The following CNTNAP2 variants were observed in gnomAD, a reference collection of about 807,000 sequenced individuals.
CNTNAP2 encodes contactin-associated protein-like 2.
In CNTNAP2, 98 loss-of-function variants were observed where a neutral mutation model predicts 155.2. The ratio of observed to expected loss-of-function variants is 0.63; its 90% CI spans 0.54 to 0.75. The LOEUF (loss-of-function observed/expected upper bound fraction) is 0.75. Ranked by LOEUF, CNTNAP2 falls within the 30% of genes least tolerant of loss-of-function variation. CNTNAP2 has a pLI of 0.00. For synonymous variants in CNTNAP2, 651 were observed against 631.2 expected, an observed-to-expected ratio of 1.03 and a Z score of -0.47; for missense variants, 1,727 against 1,688.1, an observed-to-expected ratio of 1.02 and a Z score of -0.40.
At chr7:146,587,954 G>A (rs1396488635) in intron 1 of CNTNAP2, among the ~76,000 whole-genome samples, 2 of 152,016 alleles carry the variant, frequency 1.3e-5, no homozygotes, top group African/African-American at 4.8e-5. Flanking sequence ...GATTACAGGT[G>A]TGAGCCACTG....
chr7:147,476,929 T>A (rs67853105), intron 10 of CNTNAP2, among the ~76,000 whole-genome samples: 1,456 of 18,218 alleles, frequency 0.08, 161 homozygotes, highest in East Asian at 0.12. Flanking sequence ...CTCTGTCATT[T>A]AAAAAAAAAA....
intron 15 of CNTNAP2, among the ~76,000 whole-genome samples, chr7:148,084,974 G>A (rs897652762): frequency 1.3e-5 from 2 of 152,156 alleles, no homozygotes; most frequent in South Asian, 2.1e-4. Flanking sequence ...TGTTACCCAC[G>A]ACAGTCATTT....
intron 12 of CNTNAP2, among the ~76,000 whole-genome samples, chr7:147,571,185 A>G (rs549914522): frequency 3.3e-4 from 50 of 151,444 alleles, no homozygotes; most frequent in Middle Eastern, 3.4e-3. Flanking sequence ...TTAGTTACAT[A>G]TGTATACATG....
chr7:147,062,127 C>CAAAAAAAAAAAAAAAAAAAAA (rs869125044), intron 4 of CNTNAP2, among the ~76,000 whole-genome samples: 3 of 44,936 alleles, frequency 6.7e-5, no homozygotes, highest in African/African-American at 1.9e-4. Flanking sequence ...GACTCCGTCT[C>CAAAAAAAAAAAAAAAAAAAAA]AAAAAAAAAA....
intron 18 of CNTNAP2, among the ~76,000 whole-genome samples, chr7:148,193,101 A>G (rs1271176827): frequency 6.6e-6 from 1 of 152,226 alleles, no homozygotes; most frequent in African/African-American, 2.4e-5. Flanking sequence ...AAAATCACAA[A>G]AACAAGTTTA....
intron 15 of CNTNAP2, among the ~76,000 whole-genome samples, chr7:148,012,167 C>G (rs1208929896): frequency 6.6e-6 from 1 of 152,226 alleles, no homozygotes; most frequent in Non-Finnish European, 1.5e-5. Context: ...ATCTTCCCCC[C>G]TCAGTCTCCC....
intron 15 of CNTNAP2, among the ~76,000 whole-genome samples, chr7:148,046,427 C>A (rs1038159750): frequency 6.6e-6 from 1 of 152,182 alleles, no homozygotes; most frequent in South Asian, 2.1e-4. Context: ...GTTATAATAT[C>A]TTTAGTTATA....
At chr7:146,836,895 C>CT (rs202139954) in intron 2 of CNTNAP2, among the ~76,000 whole-genome samples, 2,162 of 150,802 alleles carry the variant, frequency 0.014, 43 homozygotes, top group African/African-American at 0.046. Context: ...AGGTTGCCAG[C>CT]TTTTTTTTTA....
intron 1 of CNTNAP2, among the ~76,000 whole-genome samples, chr7:146,200,233 C>T (rs181673520): frequency 6.6e-6 from 1 of 152,126 alleles, no homozygotes; most frequent in African/African-American, 2.4e-5. Flanking sequence ...GTGGGGCTCA[C>T]GCCTGTAATT....
intron 4 of CNTNAP2, among the ~76,000 whole-genome samples, chr7:147,092,515 T>C (rs1307533530): frequency 3.3e-5 from 5 of 152,208 alleles, no homozygotes. Flanking sequence ...AGCTTATTTA[T>C]AGCTTTAAAG....
intron 13 of CNTNAP2, among the ~76,000 whole-genome samples, chr7:147,872,706 AAAAC>A (rs1799348916): frequency 6.6e-6 from 1 of 152,260 alleles, no homozygotes; most frequent in Non-Finnish European, 1.5e-5. Context: ...AATTAGAAAA[AAAAC>A]CTTTATCCAA....
chr7:148,303,932 T>C (rs1797441155), intron 21 of CNTNAP2, among the ~76,000 whole-genome samples: 1 of 152,230 alleles, frequency 6.6e-6, no homozygotes, highest in South Asian at 2.1e-4. Flanking sequence ...ATAAATAAGT[T>C]GAAGTTTGAA....
At chr7:148,253,628 CTT>C (rs975282659) in intron 20 of CNTNAP2, among the ~76,000 whole-genome samples, 19 of 152,282 alleles carry the variant, frequency 1.2e-4, no homozygotes, top group Admixed American at 5.2e-4. Context: ...TGATTTGAGT[CTT>C]ACGCCGAGGC....
chr7:146,368,150 T>C (rs1364055907), intron 1 of CNTNAP2, among the ~76,000 whole-genome samples: 1 of 152,150 alleles, frequency 6.6e-6, no homozygotes, highest in African/African-American at 2.4e-5. Flanking sequence ...CTGACCTTTG[T>C]ATGTGTGTGT....
intron 9 of CNTNAP2, among the ~76,000 whole-genome samples, chr7:147,320,521 C>A (rs899455310): frequency 6.6e-6 from 1 of 152,166 alleles, no homozygotes; most frequent in Non-Finnish European, 1.5e-5. Context: ...GTGAGACCTT[C>A]CCAAAATCTC....
chr7:146,231,948 T>C (rs1280303440), intron 1 of CNTNAP2, among the ~76,000 whole-genome samples: 1 of 152,188 alleles, frequency 6.6e-6, no homozygotes, highest in Non-Finnish European at 1.5e-5. Flanking sequence ...CAAACACATT[T>C]TTTTTCTAAT....
intron 12 of CNTNAP2, among the ~76,000 whole-genome samples, chr7:147,616,685 C>G (rs1801300123): frequency 6.6e-6 from 1 of 151,990 alleles, no homozygotes; most frequent in African/African-American, 2.4e-5. Flanking sequence ...TTCCACTTAC[C>G]AAGCTTTTTT....
At chr7:147,232,693 C>T (rs777562535) in intron 8 of CNTNAP2, among the ~76,000 whole-genome samples, 2 of 152,076 alleles carry the variant, frequency 1.3e-5, no homozygotes, top group Admixed American at 6.5e-5. Flanking sequence ...GAAATGGATT[C>T]AAGACTTAAA....
chr7:146,119,659 G>A (rs1270584933), intron 1 of CNTNAP2, among the ~76,000 whole-genome samples: 1 of 151,986 alleles, frequency 6.6e-6, no homozygotes, highest in Admixed American at 6.5e-5. Flanking sequence ...TAAATGATGA[G>A]GAGATTAAGC....
Sources: gnomAD v4.1 joint callset for allele counts (sites outside exome capture counted in the v4.1 genomes callset) on GRCh38, gnomAD v4.1.1 for gene constraint, MANE v1.5 for transcripts, NCBI Gene and HGNC (gene_info 2026-07-23, HGNC 2026-07-21) for gene names.